Variants in EPB41L2 observed in about 807,000 individuals in gnomAD.
EPB41L2 encodes erythrocyte membrane protein band 4.1 like 2.
In EPB41L2, 43 loss-of-function variants were observed where a neutral mutation model predicts 113.0. The ratio of observed to expected loss-of-function variants is 0.38; its 90% CI spans 0.30 to 0.49. EPB41L2 has a LOEUF of 0.49. Ranked by LOEUF, EPB41L2 falls within the 20% of genes least tolerant of loss-of-function variation. EPB41L2 has a pLI of 0.95. For missense variants in EPB41L2, 1,147 were observed against 1,223.4 expected (o/e 0.94, Z 0.93); for synonymous variants, 442 against 436.7 (o/e 1.01, Z -0.15).
chr6:130,989,481 T>C (rs890190264), intron 1 of EPB41L2, among the ~76,000 whole-genome samples: 3 of 147,756 alleles, frequency 2.0e-5, no homozygotes, highest in South Asian at 2.2e-4. Flanking sequence ...AAAAAAAAAA[T>C]AGCTGCTAAA....
At chr6:130,864,784 T>C (rs1465828183) in intron 17 of EPB41L2, among the ~76,000 whole-genome samples, 2 of 152,200 alleles carry the variant, frequency 1.3e-5, no homozygotes, top group Non-Finnish European at 2.9e-5. Context: ...ACTTTTGCTG[T>C]TTTTTAAATT....
chr6:130,942,515 ATTG>A (rs934395071), intron 3 of EPB41L2, among the ~76,000 whole-genome samples: 3 of 152,252 alleles, frequency 2.0e-5, no homozygotes, highest in African/African-American at 7.2e-5. Flanking sequence ...GATACTGATA[ATTG>A]TTGTTGCATG....
intron 8 of EPB41L2, among the ~76,000 whole-genome samples, chr6:130,898,471 A>G (rs1424752502): frequency 6.6e-6 from 1 of 152,134 alleles, no homozygotes; most frequent in African/African-American, 2.4e-5. Flanking sequence ...GACTCTGGAC[A>G]TATTTTTTAA....
intron 1 of EPB41L2, among the ~76,000 whole-genome samples, chr6:130,997,470 A>T (rs1783405285): frequency 6.6e-6 from 1 of 152,228 alleles, no homozygotes; most frequent in African/African-American, 2.4e-5. Flanking sequence ...CAGACCACAC[A>T]GAGCTACGAA....
intron 13 of EPB41L2, 62 bp from the exon 14 acceptor site, chr6:130,878,312 A>T: frequency 6.6e-7 from 1 of 1,522,144 alleles, no homozygotes; most frequent in Non-Finnish European, 8.8e-7. Flanking sequence ...CAGTAGGACA[A>T]AAATAAAACC....
At chr6:130,999,337 T>C (rs1010442126) in intron 1 of EPB41L2, among the ~76,000 whole-genome samples, 6 of 152,192 alleles carry the variant, frequency 3.9e-5, no homozygotes, top group Non-Finnish European at 8.8e-5. Context: ...CTACTTAATA[T>C]ATGTTGGGCA....
intron 12 of EPB41L2, chr6:130,882,353 T>C (rs1789590521): frequency 1.3e-5 from 2 of 152,478 alleles, no homozygotes; most frequent in East Asian, 1.9e-4. Context: ...TCTACACTTA[T>C]TTCTCATGCA....
intron 1 of EPB41L2, among the ~76,000 whole-genome samples, chr6:131,018,383 C>A (rs1162127157): frequency 6.6e-6 from 1 of 152,006 alleles, no homozygotes; most frequent in East Asian, 1.9e-4. Context: ...TCAGATGAGA[C>A]AGCTATTTCT....
chr6:130,933,850 C>T (rs1403717782), intron 3 of EPB41L2, among the ~76,000 whole-genome samples: 2 of 152,118 alleles, frequency 1.3e-5, no homozygotes, highest in African/African-American at 4.8e-5. Flanking sequence ...ACTGCTTACC[C>T]GGCAGATTGT....
chr6:131,017,086 T>C (rs1391442780), intron 1 of EPB41L2, among the ~76,000 whole-genome samples: 9 of 152,194 alleles, frequency 5.9e-5, no homozygotes, highest in Admixed American at 5.9e-4. Flanking sequence ...AAACTAGGCA[T>C]CGGAAATGGT....
intron 3 of EPB41L2, among the ~76,000 whole-genome samples, chr6:130,953,902 C>A (rs1816217069): frequency 6.6e-6 from 1 of 152,024 alleles, no homozygotes; most frequent in South Asian, 2.1e-4. Flanking sequence ...TGATCTGGGA[C>A]TTCCTAGCCT....
chr6:130,969,115 T>A (rs1248288667), intron 1 of EPB41L2, among the ~76,000 whole-genome samples: 1 of 152,274 alleles, frequency 6.6e-6, no homozygotes, highest in African/African-American at 2.4e-5. Flanking sequence ...ATGTGGGGGA[T>A]GATTGGCTGT....
At chr6:130,876,798 T>A (rs915084871) in intron 14 of EPB41L2, 4 of 1,276,992 alleles carry the variant, frequency 3.1e-6, no homozygotes, top group Non-Finnish European at 4.1e-6. Flanking sequence ...ACAATAGACA[T>A]AATCAACAAA....
chr6:130,925,399 G>A (rs1804368680), intron 4 of EPB41L2, among the ~76,000 whole-genome samples: 1 of 151,996 alleles, frequency 6.6e-6, no homozygotes, highest in Non-Finnish European at 1.5e-5. Flanking sequence ...ATGTTGGCCA[G>A]GCTGGTCTTG....
At chr6:130,944,092 T>A (rs1811845546) in intron 3 of EPB41L2, among the ~76,000 whole-genome samples, 1 of 151,674 alleles carries the variant, frequency 6.6e-6, no homozygotes. Flanking sequence ...TCCAAGCATC[T>A]GAAAAGCAGG....
intron 1 of EPB41L2, among the ~76,000 whole-genome samples, chr6:130,957,541 T>C (rs992931962): frequency 4.5e-4 from 68 of 151,856 alleles, no homozygotes; most frequent in African/African-American, 1.6e-3. Flanking sequence ...ATTCCTGTAG[T>C]CACAGCTACT....
chr6:130,933,755 T>G (rs921557048), intron 3 of EPB41L2, among the ~76,000 whole-genome samples: 5 of 152,210 alleles, frequency 3.3e-5, no homozygotes, highest in Non-Finnish European at 4.4e-5. Context: ...AAGTCCCCCA[T>G]GCCTGTGCTG....
chr6:130,856,672 T>C (rs1161475686), intron 19 of EPB41L2, among the ~76,000 whole-genome samples: 3 of 152,228 alleles, frequency 2.0e-5, no homozygotes, highest in East Asian at 3.8e-4. Flanking sequence ...GACCCAGCCA[T>C]TCCTGTGGGT....
chr6:130,863,023 T>C (rs1411007742), intron 18 of EPB41L2, among the ~76,000 whole-genome samples: 1 of 152,206 alleles, frequency 6.6e-6, no homozygotes, highest in Non-Finnish European at 1.5e-5. Context: ...AAAACTGCTC[T>C]CAAAGTCTCC....
Sources: gnomAD v4.1 joint callset for allele counts (sites outside exome capture counted in the v4.1 genomes callset) on GRCh38, gnomAD v4.1.1 for gene constraint, MANE v1.5 for transcripts, NCBI Gene and HGNC (gene_info 2026-07-23, HGNC 2026-07-21) for gene names.